Variants in C1GALT1 observed in about 807,000 individuals in gnomAD.
C1GALT1 encodes the protein glycoprotein-N-acetylgalactosamine 3-beta-galactosyltransferase 1.
Under a neutral mutation model 31.0 loss-of-function variants are expected in C1GALT1, and 11 were observed. The ratio of observed to expected loss-of-function variants is 0.36; its 90% confidence interval spans 0.22 to 0.59. C1GALT1 has a LOEUF of 0.59. C1GALT1 is among the 20% of genes least tolerant of loss of function. The probability of loss-of-function intolerance (pLI) is 0.79; values close to 1 mark genes in which losing one functional copy is unlikely to be tolerated. For missense variants in C1GALT1, 424 were observed against 425.2 expected, an observed-to-expected ratio of 1.00 and a Z score of 0.03; for synonymous variants, 175 against 143.6, an observed-to-expected ratio of 1.22 and a Z score of -1.56.
intron 2 of C1GALT1, among the ~76,000 whole-genome samples, chr7:7,163,358 C>T (rs1372178948): frequency 6.6e-6 from 1 of 152,128 alleles, no homozygotes; most frequent in African/African-American, 2.4e-5. Context: ...CAGCCAATAT[C>T]ATACTCAATG....
rs923979219 is a variant in C1GALT1, at chr7:7,165,361, A to G, written c.-18+7935A>G. Among the ~76,000 whole-genome samples the G allele has an allele frequency of 2.0e-5, 3 of 152,218 alleles. No individual in the cohort carries two copies. The South Asian group carries it at 6.2e-4, about 32-fold the overall frequency. On this transcript the variant is annotated intron_variant, in intron 2 of 3. Coordinates refer to the C1GALT1 transcript ENST00000429911. ...CTATTTTTCCATTGCTTCCTTTTAC[A>G]TAATTATACCCATTTAATTTATCCT...
At chr7:7,216,569 A>G (rs186754745) in intron 1 of C1GALT1, among the ~76,000 whole-genome samples, 9 of 152,214 alleles carry the variant, frequency 5.9e-5, no homozygotes, top group East Asian at 3.9e-4. Context: ...GCAATGTGCT[A>G]TAGATTGCCT....
At chr7:7,206,154 A>T (rs767666346) in intron 1 of C1GALT1, among the ~76,000 whole-genome samples, 12 of 152,214 alleles carry the variant, frequency 7.9e-5, no homozygotes, top group African/African-American at 2.4e-5. Context: ...GCAGAATTAT[A>T]TCTTTATACA....
At chr7:7,213,634 A>T (rs371334338) in intron 1 of C1GALT1, among the ~76,000 whole-genome samples, 9 of 152,276 alleles carry the variant, frequency 5.9e-5, no homozygotes, top group Non-Finnish European at 1.3e-4. Context: ...AAAATCTTTC[A>T]TTAGCCTTTA....
At chr7:7,196,328 C>G (rs934160764) in intron 1 of C1GALT1, among the ~76,000 whole-genome samples, 1 of 151,598 alleles carries the variant, frequency 6.6e-6, no homozygotes, top group Non-Finnish European at 1.5e-5. Flanking sequence ...GTTTTCTGTC[C>G]TTGCGATGGT....
intron 1 of C1GALT1, among the ~76,000 whole-genome samples, chr7:7,229,291 C>G (rs1309736607): frequency 2.6e-5 from 4 of 152,154 alleles, no homozygotes; most frequent in Non-Finnish European, 5.9e-5. Flanking sequence ...AAACCAAGAT[C>G]AGTGTGCTGT....
chr7:7,161,558 A>C (rs913608093), intron 2 of C1GALT1, among the ~76,000 whole-genome samples: 2 of 152,076 alleles, frequency 1.3e-5, no homozygotes, highest in African/African-American at 4.8e-5. Flanking sequence ...TACTTACTAC[A>C]TGTTAGACCC....
intron 2 of C1GALT1, among the ~76,000 whole-genome samples, chr7:7,158,335 A>C (rs1169414474): frequency 4.6e-5 from 7 of 151,928 alleles, no homozygotes; most frequent in African/African-American, 1.7e-4. Flanking sequence ...TTCCATTAAC[A>C]CCTCCTATGT....
rs893023239 is a variant in C1GALT1 at position 7,165,703 on chromosome 7, A to G, written c.-18+8277A>G. 2.0e-5 allele frequency among the ~76,000 whole-genome samples: 3 copies of G among 152,156 alleles called. No individual in the cohort carries two copies. The East Asian group carries it at 5.8e-4, about 29-fold the overall frequency. ...AATGAATAGTTGTAAGCACCAATTTATGATCACATGGTACCAGTTGAGCAT... is the reference window on the plus strand; with the variant it reads ...AATGAATAGTTGTAAGCACCAATTTGTGATCACATGGTACCAGTTGAGCAT... On this transcript the variant is annotated intron_variant, in intron 2 of 3. Transcript: ENST00000429911.
At chr7:7,217,337 C>G (rs1782292543) in intron 1 of C1GALT1, among the ~76,000 whole-genome samples, 1 of 151,844 alleles carries the variant, frequency 6.6e-6, no homozygotes, top group South Asian at 2.1e-4. Context: ...GGCTCCAAAG[C>G]TGAGAGAGGG....
intron 1 of C1GALT1, among the ~76,000 whole-genome samples, chr7:7,213,833 C>A (rs1016527403): frequency 1.3e-5 from 2 of 152,156 alleles, no homozygotes; most frequent in Admixed American, 6.5e-5. Flanking sequence ...TGCCTTAAGA[C>A]CCTCTTGCTA....
intron 1 of C1GALT1, among the ~76,000 whole-genome samples, chr7:7,221,962 A>G (rs752556178): frequency 2.0e-5 from 3 of 152,204 alleles, no homozygotes; most frequent in Non-Finnish European, 4.4e-5. Context: ...GGTGTGACCT[A>G]CGTTAACACC....
At chr7:7,215,035 C>G (rs1034782561) in intron 1 of C1GALT1, among the ~76,000 whole-genome samples, 2 of 152,220 alleles carry the variant, frequency 1.3e-5, no homozygotes, top group African/African-American at 4.8e-5. Context: ...TTGTGGCCCT[C>G]ACCCAGGAAC....
At chr7:7,180,160 AAAC>A (rs1454725066), upstream of C1GALT1, among the ~76,000 whole-genome samples, 1 of 152,226 alleles carries the variant, frequency 6.6e-6, no homozygotes, top group Non-Finnish European at 1.5e-5. Flanking sequence ...GACACAAGAG[AAAC>A]AACAATACTG....
upstream of C1GALT1, among the ~76,000 whole-genome samples, chr7:7,179,831 C>A (rs917554342): frequency 4.1e-5 from 6 of 147,864 alleles, no homozygotes; most frequent in African/African-American, 1.5e-4. Context: ...GCTGTTCTAC[C>A]TCCAGTATCA....
chr7:7,169,749 G>T (rs1362452600), intron 2 of C1GALT1, among the ~76,000 whole-genome samples: 1 of 152,080 alleles, frequency 6.6e-6, no homozygotes, highest in South Asian at 2.1e-4. Context: ...TATGTTGTTG[G>T]ATTCAGTTTG....
chr7:7,196,773 G>C (rs1781306277), intron 1 of C1GALT1, among the ~76,000 whole-genome samples: 1 of 152,116 alleles, frequency 6.6e-6, no homozygotes, highest in African/African-American at 2.4e-5. Context: ...GTGTGAAATG[G>C]TATCTTATTG....
chr7:7,200,382 G>A (rs1419936123), intron 1 of C1GALT1, among the ~76,000 whole-genome samples: 1 of 152,180 alleles, frequency 6.6e-6, no homozygotes, highest in Non-Finnish European at 1.5e-5. Flanking sequence ...ACTCTCTTCT[G>A]GCTTGTAGAG....
chr7:7,229,445 C>A (rs1782961936), intron 1 of C1GALT1, among the ~76,000 whole-genome samples: 1 of 152,160 alleles, frequency 6.6e-6, no homozygotes, highest in Non-Finnish European at 1.5e-5. Context: ...TCATTTACTT[C>A]TCTTGGCTTC....
Sources: gnomAD v4.1 joint callset for allele counts (sites outside exome capture counted in the v4.1 genomes callset) on GRCh38, gnomAD v4.1.1 for gene constraint, MANE v1.5 for transcripts, NCBI Gene and HGNC (gene_info 2026-07-23, HGNC 2026-07-21) for gene names.